COX6B1: variants seen among roughly 807,000 people sequenced by gnomAD.
COX6B1 encodes cytochrome c oxidase subunit 6B1, also known as COX VIb-1.
A neutral mutation model predicts 14.0 loss-of-function variants in COX6B1; 2 were observed. The ratio of observed to expected loss-of-function variants is 0.14; its 90% CI spans 0.06 to 0.45. The LOEUF (loss-of-function observed/expected upper bound fraction) is 0.45. COX6B1 is among the 20% of genes least tolerant of loss of function. COX6B1 has a pLI of 0.98. For missense variants in COX6B1, 81 were observed against 114.2 expected, an observed-to-expected ratio of 0.71 and a Z score of 1.33; for synonymous variants, 30 against 39.7, an observed-to-expected ratio of 0.76 and a Z score of 0.92.
intron 2 of COX6B1, among the ~76,000 whole-genome samples, chr19:35,652,032 CTTT>C (rs566646791): frequency 2.1e-5 from 3 of 142,966 alleles, no homozygotes; most frequent in Non-Finnish European, 3.1e-5. Flanking sequence ...TCCCTGCCTT[CTTT>C]TTTTTTTTTT....
At chr19:35,655,432 AC>A (rs1967878337) in intron 3 of COX6B1, among the ~76,000 whole-genome samples, 1 of 152,052 alleles carries the variant, frequency 6.6e-6, no homozygotes. Flanking sequence ...TTCTTCATCT[AC>A]CCCTTTTCGT....
intron 3 of COX6B1, among the ~76,000 whole-genome samples, chr19:35,656,890 G>A (rs1357995021): frequency 6.6e-6 from 1 of 152,136 alleles, no homozygotes; most frequent in Non-Finnish European, 1.5e-5. Context: ...GCCCAGAAAG[G>A]TTGAGTAACT....
intron 2 of COX6B1, 37 bp downstream of exon 2, chr19:35,651,386 C>T (rs541495704): frequency 1.1e-5 from 17 of 1,512,558 alleles, no homozygotes; most frequent in African/African-American, 1.1e-4. Context: ...TACCTCGAGT[C>T]ACTCACCGCT....
chr19:35,653,314 C>T (rs1192854292), intron 2 of COX6B1, among the ~76,000 whole-genome samples: 1 of 150,704 alleles, frequency 6.6e-6, no homozygotes, highest in African/African-American at 2.4e-5. Context: ...GCTCTGTTGC[C>T]CAGGCTGGAG....
At chr19:35,658,042 T>A (rs551048820) in intron 3 of COX6B1, among the ~76,000 whole-genome samples, 1 of 152,198 alleles carries the variant, frequency 6.6e-6, no homozygotes, top group African/African-American at 2.4e-5. Context: ...TCCTCCCACA[T>A]CGGCCCCGCA....
intron 2 of COX6B1, among the ~76,000 whole-genome samples, chr19:35,652,965 ATTT>A (rs1330598420): frequency 8.2e-6 from 1 of 121,754 alleles, no homozygotes. Flanking sequence ...CACCCAGCTA[ATTT>A]TTTTTTTTTT....
intron 1 of COX6B1, among the ~76,000 whole-genome samples, chr19:35,650,749 C>G (rs1244597482): frequency 6.6e-6 from 1 of 151,814 alleles, no homozygotes; most frequent in African/African-American, 2.4e-5. Context: ...TGGGATTCAT[C>G]AGACTGCTGA....
intron 3 of COX6B1, among the ~76,000 whole-genome samples, chr19:35,655,004 ATTTTTTTTTCTT>A (rs916876515): frequency 6.2e-4 from 84 of 135,634 alleles, no homozygotes; most frequent in Middle Eastern, 4.2e-3. Context: ...TATTAGGAAC[ATTTTTTTTTCTT>A]TTTTTTTTTC....
At chr19:35,654,333 TG>T (rs1257123329) in intron 2 of COX6B1, among the ~76,000 whole-genome samples, 1 of 152,066 alleles carries the variant, frequency 6.6e-6, no homozygotes, top group Non-Finnish European at 1.5e-5. Context: ...GGCGAAACCC[TG>T]TCTCTACTAA....
chr19:35,658,116 C>G (rs751533673), intron 3 of COX6B1, among the ~76,000 whole-genome samples: 1 of 152,128 alleles, frequency 6.6e-6, no homozygotes, highest in Non-Finnish European at 1.5e-5. Flanking sequence ...TACTGAGCAT[C>G]GCCTGTGGTC....
At chr19:35,654,541 C>G in intron 2 of COX6B1, 30 bp from the exon 3 acceptor site, 1 of 1,581,782 alleles carries the variant, frequency 6.3e-7, no homozygotes, top group Non-Finnish European at 8.7e-7. Context: ...AACTCTTGAT[C>G]TGGGCTGACT....
intron 3 of COX6B1, 118 bp from the exon 4 acceptor site, chr19:35,658,476 G>A (rs1017544154): frequency 2.0e-5 from 17 of 831,636 alleles, no homozygotes; most frequent in Admixed American, 1.2e-4. Flanking sequence ...ATAGAGGTTG[G>A]CACACAGCAG....
At chr19:35,656,669 C>CA (rs1393248979) in intron 3 of COX6B1, among the ~76,000 whole-genome samples, 1 of 151,744 alleles carries the variant, frequency 6.6e-6, no homozygotes, top group African/African-American at 2.4e-5. Flanking sequence ...TTAGTAGAGA[C>CA]AGAGTTTCAC....
At chr19:35,651,376 T>G in intron 2 of COX6B1, 27 bp downstream of exon 2, 1 of 1,562,320 alleles carries the variant, frequency 6.4e-7, no homozygotes, top group Non-Finnish European at 8.8e-7. Flanking sequence ...CCTGGCCACA[T>G]ACCTCGAGTC....
chr19:35,652,417 T>A (rs1967836434), intron 2 of COX6B1, among the ~76,000 whole-genome samples: 1 of 151,778 alleles, frequency 6.6e-6, no homozygotes, highest in Non-Finnish European at 1.5e-5. Flanking sequence ...GGTTATCACA[T>A]CTTTGTTTTT....
At chr19:35,657,741 C>T (rs1967903431) in intron 3 of COX6B1, among the ~76,000 whole-genome samples, 1 of 149,362 alleles carries the variant, frequency 6.7e-6, no homozygotes, top group Non-Finnish European at 1.5e-5. Context: ...ACTGCAGCCT[C>T]GAACTCCTGG....
chr19:35,655,026 C>CA (rs935448585), intron 3 of COX6B1, among the ~76,000 whole-genome samples: 8 of 118,750 alleles, frequency 6.7e-5, no homozygotes, highest in Non-Finnish European at 1.8e-5. Flanking sequence ...TTTTTTTTTT[C>CA]TTTTTTTTTT....
chr19:35,651,694 C>G lies in COX6B1; in HGVS notation c.106+345C>G, dbSNP rs1967826369. Among the ~76,000 whole-genome samples, 3 of 151,996 alleles carry G rather than the reference C, an allele frequency of 2.0e-5. No homozygotes were observed. In the South Asian group the frequency reaches 6.2e-4, roughly 32 times the overall value. On this transcript the variant is annotated intron_variant, in intron 2 of 3. Coordinates refer to ENST00000649813, the MANE Select transcript of COX6B1 (RefSeq NM_001863.5). ...TCAAGAGGTCCCCCTACCTCAGCCT[C>G]TCGAGTAGCTGGGACCACAGGCCCA...
At chr19:35,655,860 T>C (rs1223642664) in intron 3 of COX6B1, among the ~76,000 whole-genome samples, 1 of 152,000 alleles carries the variant, frequency 6.6e-6, no homozygotes, top group Non-Finnish European at 1.5e-5. Context: ...TCTCTTTCTT[T>C]CCTTTCTTTC....
Sources: gnomAD v4.1 joint callset for allele counts (sites outside exome capture counted in the v4.1 genomes callset) on GRCh38, gnomAD v4.1.1 for gene constraint, MANE v1.5 for transcripts, NCBI Gene and HGNC (gene_info 2026-07-23, HGNC 2026-07-21) for gene names.